Variants in KANSL1L observed in about 807,000 individuals in gnomAD.
The protein encoded by KANSL1L is KAT8 regulatory NSL complex subunit 1 like, also known as KAT8 regulatory NSL complex subunit 1-like protein.
KANSL1L carries 25 observed loss-of-function variants against 108.6 expected under a neutral mutation model. The ratio of observed to expected loss-of-function variants is 0.23; its 90% CI spans 0.17 to 0.32. The LOEUF (loss-of-function observed/expected upper bound fraction) is 0.32. KANSL1L is among the 10% of genes least tolerant of loss of function. KANSL1L has a pLI of 1.00. For synonymous variants in KANSL1L, 405 were observed against 395.1 expected (o/e 1.03, Z -0.30); for missense variants, 1,137 against 1,125.7 (o/e 1.01, Z -0.14).
At chr2:210,087,033 AT>A (rs1331094418) in intron 5 of KANSL1L, among the ~76,000 whole-genome samples, 68 of 145,442 alleles carry the variant, frequency 4.7e-4, no homozygotes, top group Non-Finnish European at 5.5e-4. Context: ...TTTTTATTTT[AT>A]TTTTTTTTTT....
At chr2:210,041,500 A>C (rs2094163763) in intron 7 of KANSL1L, among the ~76,000 whole-genome samples, 1 of 152,168 alleles carries the variant, frequency 6.6e-6, no homozygotes. Context: ...CAGTAGCATG[A>C]TTCTGGCCCA....
At chr2:210,097,097 C>T (rs575440536) in intron 5 of KANSL1L, 38 of 227,218 alleles carry the variant, frequency 1.7e-4, no homozygotes, top group Non-Finnish European at 2.5e-4. Flanking sequence ...GAGCACACCA[C>T]CACGCCCGGC....
At chr2:210,138,944 C>G (rs1461306503) in intron 2 of KANSL1L, among the ~76,000 whole-genome samples, 1 of 151,692 alleles carries the variant, frequency 6.6e-6, no homozygotes, top group African/African-American at 2.4e-5. Context: ...ACTAAAAATA[C>G]AAAAAATAGC....
At chr2:210,032,352 T>C (rs558564832) in intron 8 of KANSL1L, 1 of 152,314 alleles carries the variant, frequency 6.6e-6, no homozygotes, top group East Asian at 1.9e-4. Flanking sequence ...TAAATCCACA[T>C]TTGCAAGCAA....
chr2:210,106,402 C>T (rs1318620561), intron 3 of KANSL1L, among the ~76,000 whole-genome samples: 1 of 152,126 alleles, frequency 6.6e-6, no homozygotes. Flanking sequence ...TATTTCCAAA[C>T]CTTTAGAATA....
At chr2:210,096,680 T>C in intron 5 of KANSL1L, 1 of 975,784 alleles carries the variant, frequency 1.0e-6, no homozygotes, top group South Asian at 4.7e-5. Context: ...CTTTCCTAAT[T>C]AGGATACGTT....
At chr2:210,027,203 G>T in intron 12 of KANSL1L, 93 bp downstream of exon 12, 1 of 814,158 alleles carries the variant, frequency 1.2e-6, no homozygotes, top group African/African-American at 1.7e-5. Flanking sequence ...AAGTTAAAGG[G>T]CTTATATATT....
chr2:210,069,513 C>G (rs1161307546), intron 6 of KANSL1L, among the ~76,000 whole-genome samples: 1 of 152,096 alleles, frequency 6.6e-6, no homozygotes, highest in Admixed American at 6.6e-5. Context: ...GCACCAAACT[C>G]TGTATAAGTT....
chr2:210,153,881 T>A lies in KANSL1L; in HGVS notation c.702A>T (p.Leu234Phe). The A allele has an allele frequency of 6.2e-7, 1 of 1,612,496 alleles. No individual in the cohort carries two copies. Among genetic ancestry groups the A allele is most frequent in the South Asian group, 1.1e-5 (1 of 90,678 alleles). ...TCTGAGTTCTTCTAGCCTGGCTAAGTAAAATTTTCTGTTTGCTTACACAAT... is the reference window on the plus strand; with the variant it reads ...TCTGAGTTCTTCTAGCCTGGCTAAGAAAAATTTTCTGTTTGCTTACACAAT... ...LLHCVSKQKI[L>F]LSQARRTQKH... Residue 234 changes from leucine (L) to phenylalanine (F), a missense_variant, in exon 2 of 15, where the codon TTA becomes TTT. By Grantham distance (22) the Leu-to-Phe change is conservative. Coordinates refer to ENST00000281772, the MANE Select transcript of KANSL1L (RefSeq NM_152519.4).
chr2:210,031,648 G>T, intron 8 of KANSL1L, 102 bp from the exon 9 acceptor site: 1 of 672,136 alleles, frequency 1.5e-6, no homozygotes, highest in Non-Finnish European at 2.3e-6. Context: ...TAAGATACCA[G>T]TTCAAAATTA....
intron 5 of KANSL1L, chr2:210,097,234 T>C: frequency 1.0e-6 from 1 of 972,406 alleles, no homozygotes; most frequent in South Asian, 4.8e-5. Flanking sequence ...ATCCACTAAT[T>C]TCACAAAGAA....
intron 5 of KANSL1L, among the ~76,000 whole-genome samples, chr2:210,089,273 T>C (rs544564220): frequency 6.6e-6 from 1 of 152,166 alleles, no homozygotes; most frequent in Non-Finnish European, 1.5e-5. Context: ...TAGGGTAGGG[T>C]TTGAAGTCAC....
intron 3 of KANSL1L, among the ~76,000 whole-genome samples, chr2:210,113,420 A>G (rs1215591431): frequency 1.3e-5 from 2 of 152,198 alleles, no homozygotes; most frequent in Non-Finnish European, 2.9e-5. Flanking sequence ...ATAGAGAAAA[A>G]CAAAATAATA....
At chr2:210,152,460 G>C (rs2095309957) in intron 2 of KANSL1L, 1 of 152,144 alleles carries the variant, frequency 6.6e-6, no homozygotes, top group African/African-American at 2.4e-5. Context: ...GGACAGAGTT[G>C]GTCTGTAGTG....
chr2:210,145,084 T>G (rs1242699628), intron 2 of KANSL1L, among the ~76,000 whole-genome samples: 1 of 152,184 alleles, frequency 6.6e-6, no homozygotes, highest in Non-Finnish European at 1.5e-5. Context: ...TCAACTGATG[T>G]TAGCACTGTC....
chr2:210,053,943 GT>G (rs1251979635), intron 6 of KANSL1L, among the ~76,000 whole-genome samples: 1 of 152,074 alleles, frequency 6.6e-6, no homozygotes, highest in Non-Finnish European at 1.5e-5. Context: ...TAGTTAGTCA[GT>G]TTACAGAAAG....
intron 1 of KANSL1L, among the ~76,000 whole-genome samples, chr2:210,162,128 C>T (rs527528495): frequency 2.1e-5 from 3 of 145,830 alleles, no homozygotes; most frequent in Non-Finnish European, 1.5e-5. Flanking sequence ...ACTAATTGGA[C>T]GTATCCAGCT....
In KANSL1L at chr2:210,076,845, T is replaced by C. The variant is rs1263805676; in HGVS notation, c.1551-1089A>G. 3.9e-5 allele frequency among the ~76,000 whole-genome samples: 6 copies of C among 152,130 alleles called. No homozygotes were observed. The East Asian group carries it at 1.2e-3, about 29-fold the overall frequency. ...TACAAGGTACCAATTTTAACCTTAG[T>C]TATGTAGACAAAAGCTAGTCAATTT... On this transcript the variant is annotated intron_variant, in intron 5 of 14. Transcript: ENST00000281772.
At chr2:210,108,616 C>T (rs1201489014) in intron 3 of KANSL1L, among the ~76,000 whole-genome samples, 1 of 151,196 alleles carries the variant, frequency 6.6e-6, no homozygotes, top group East Asian at 2.0e-4. Flanking sequence ...ACTCTATTTG[C>T]TATAAAAAAC....
Sources: gnomAD v4.1 joint callset for allele counts (sites outside exome capture counted in the v4.1 genomes callset) on GRCh38, gnomAD v4.1.1 for gene constraint, MANE v1.5 for transcripts, NCBI Gene and HGNC (gene_info 2026-07-23, HGNC 2026-07-21) for gene names.